TNRC18: variants seen among roughly 807,000 people sequenced by gnomAD.
The protein encoded by TNRC18 is trinucleotide repeat containing 18.
TNRC18 carries 69 observed loss-of-function variants against 226.7 expected under a neutral mutation model. The ratio of observed to expected loss-of-function variants is 0.30; its 90% CI spans 0.25 to 0.37. TNRC18 has a LOEUF of 0.37. Among genes scored for constraint, TNRC18 ranks in the 10% least tolerant of loss-of-function variants. The pLI, the probability that TNRC18 is intolerant of heterozygous loss-of-function variation, is 1.00. For synonymous variants in TNRC18, 2,449 were observed against 1,927.6 expected (o/e 1.27, Z -7.09); for missense variants, 4,754 against 4,256.6 (o/e 1.12, Z -3.25).
chr7:5,358,538 G>A (rs1583901040), intron 15 of TNRC18, among the ~76,000 whole-genome samples: 1 of 152,280 alleles, frequency 6.6e-6, no homozygotes, highest in African/African-American at 2.4e-5. Flanking sequence ...CCTCAGCTGG[G>A]TGCAGTGGCT....
At position 5,332,887 on chromosome 7, in the gene TNRC18, G is replaced by T; in HGVS notation, c.5882C>A (p.Ala1961Asp). 6.6e-7 allele frequency: 1 copy of T among 1,525,426 alleles called. No homozygotes were observed. The highest frequency in any genetic ancestry group is 2.5e-5 in the East Asian group (1 of 40,676). The allele number at this position is 1,525,426 out of a possible 1,614,324, so 94.5% of individuals were successfully genotyped here. ...RGPDPSSPDKAKLAVEKGRKA... is the reference protein window; with the variant it reads ...RGPDPSSPDKDKLAVEKGRKA... The stretch of plus-strand genomic sequence containing the variant: ...GCGCCCCTTCTCCACCGCCAGCTTG[G>T]CCTTGTCTGGGCTGCTGGGGTCGGG... Residue 1961 changes from alanine to aspartate, a missense_variant, in exon 19 of 30, where the codon GCC becomes GAC. Coordinates refer to ENST00000430969, the MANE Select transcript of TNRC18 (RefSeq NM_001080495.3).
chr7:5,419,383 C>G (rs982386871), intron 2 of TNRC18, among the ~76,000 whole-genome samples: 1 of 152,206 alleles, frequency 6.6e-6, no homozygotes, highest in Non-Finnish European at 1.5e-5. Flanking sequence ...CCAGAGAGAC[C>G]CGGGTACCGA....
Position 5,421,343 on chromosome 7 carries a change from G to A in TNRC18, c.-97C>T. 3 of 1,111,826 alleles carry A rather than the reference G, an allele frequency of 2.7e-6. No individual in the cohort carries two copies. The highest frequency in any genetic ancestry group is 3.4e-6 in the Non-Finnish European group (3 of 882,824). The allele number at this position is 1,111,826 out of a possible 1,614,324, so 68.9% of individuals were successfully genotyped here. A position where few individuals can be genotyped will look rare whatever the true frequency, so the allele number is the denominator to read the frequency against. On this transcript the variant is annotated 5_prime_UTR_variant, in exon 2 of 30. Coordinates refer to ENST00000430969, the MANE Select transcript of TNRC18 (RefSeq NM_001080495.3). ...GCCTCGGCGTAGTCCCAGAGTCCTCGGGCGGCGGGGGCTCCGCGGCGTGCA... is the reference window on the plus strand; with the variant it reads ...GCCTCGGCGTAGTCCCAGAGTCCTCAGGCGGCGGGGGCTCCGCGGCGTGCA...
chr7:5,397,832 C>A lies in TNRC18; in HGVS notation c.188-3237G>T, dbSNP rs556676908. 4.6e-5 allele frequency among the ~76,000 whole-genome samples: 7 copies of A among 152,260 alleles called. No homozygotes were observed. In the East Asian group the frequency reaches 1.3e-3, roughly 29 times the overall value. Reference sequence around the variant, plus strand: ...AACCCCTCGGAAACAGATCTGCCAGCCTCCTTGTGGATTTCATGCCTCTGT... The same window carrying A: ...AACCCCTCGGAAACAGATCTGCCAGACTCCTTGTGGATTTCATGCCTCTGT... On this transcript the variant is annotated intron_variant, in intron 2 of 29. Coordinates refer to ENST00000430969, the MANE Select transcript of TNRC18 (RefSeq NM_001080495.3).
rs571594298 is a variant in TNRC18, at chr7:5,313,303, C to T, written c.7588G>A (p.Gly2530Arg). 2.1e-5 allele frequency: 33 copies of T among 1,548,730 alleles called. No individual in the cohort carries two copies. The East Asian group carries it at 3.4e-4, about 16-fold the overall frequency. The change falls in exon 27 of 30, where the codon GGG becomes AGG. Residue 2530 changes from glycine (G) to arginine (R), a missense_variant. Gly to Arg is a moderately radical substitution (Grantham distance 125, BLOSUM62 -2). Transcript: ENST00000430969. Reference protein sequence around the residue: ...ATDGDLAQEPGPGLTFEDSGN... With the variant: ...ATDGDLAQEPRPGLTFEDSGN... ...GAGTCCTCGAACGTGAGCCCCGGCC[C>T]GGGCTCCTGGGCGAGGTCCCCGTCG... is the stretch of plus-strand genomic sequence containing the variant.
At chr7:5,315,434 T>A (rs867733194) in intron 25 of TNRC18, among the ~76,000 whole-genome samples, 57 of 151,894 alleles carry the variant, frequency 3.8e-4, no homozygotes, top group Admixed American at 6.6e-4. Context: ...TTTTTTTTTT[T>A]TTTTTTTTAA....
At position 5,315,057 on chromosome 7, in the gene TNRC18, G is replaced by A. The variant is rs745502421; in HGVS notation, c.6954C>T (p.Gly2318=). The A allele has an allele frequency of 6.2e-7, 1 of 1,611,246 alleles. No homozygotes were observed. Among genetic ancestry groups the A allele is most frequent in the South Asian group, 1.1e-5 (1 of 90,312 alleles). ...SKDTGEGKDG[G]TAGSEEPGAK... is the part of the protein sequence containing the mutation. The stretch of plus-strand genomic sequence containing the variant: ...CTCCTGGCTCCTCCGACCCAGCCGT[G>A]CCACCATCTTTGCCCTCCCCAGTGT... Residue 2318 remains glycine, a synonymous_variant, in exon 26 of 30, where the codon GGC becomes GGT. Coordinates refer to ENST00000430969, the MANE Select transcript of TNRC18 (RefSeq NM_001080495.3).
intron 5 of TNRC18, among the ~76,000 whole-genome samples, chr7:5,383,292 A>T (rs1779526389): frequency 6.6e-6 from 1 of 152,172 alleles, no homozygotes; most frequent in African/African-American, 2.4e-5. Flanking sequence ...TCCTTCATCC[A>T]TCTCAAGGTC....
chr7:5,358,589 A>C (rs1375736207), intron 15 of TNRC18, among the ~76,000 whole-genome samples: 1 of 152,144 alleles, frequency 6.6e-6, no homozygotes, highest in Non-Finnish European at 1.5e-5. Flanking sequence ...TGAGGTAGGC[A>C]GATCACCTGA....
In TNRC18 at chr7:5,394,584, A is replaced by G; in HGVS notation, c.199T>C (p.Leu67=). The change falls in exon 3 of 30, where the codon TTG becomes CTG. Residue 67 remains leucine (L), a synonymous_variant. Coordinates refer to ENST00000430969, the MANE Select transcript of TNRC18 (RefSeq NM_001080495.3). This position sits in a 1 kb window ranked among gnomAD's most constrained non-coding sequence, Gnocchi z 4.5. ...NLHPHPGEAF[L]GSFVASGMGP... ...ATCCCGCTGGCCACAAAGCTGCCCAAGAAGGCCTCGCCTGCAGAGAGAAGT... is the reference window on the plus strand; with the variant it reads ...ATCCCGCTGGCCACAAAGCTGCCCAGGAAGGCCTCGCCTGCAGAGAGAAGT... 1 of 1,546,986 alleles carries G rather than the reference A, an allele frequency of 6.5e-7. No individual in the cohort carries two copies.
At chr7:5,348,157 C>T (rs754972701) in intron 17 of TNRC18, among the ~76,000 whole-genome samples, 23 of 152,102 alleles carry the variant, frequency 1.5e-4, no homozygotes, top group Non-Finnish European at 2.4e-4. Context: ...AACCCCCCAC[C>T]AAAAAGAGAG....
At chr7:5,353,960 T>C (rs1177618667) in intron 16 of TNRC18, among the ~76,000 whole-genome samples, 2 of 152,020 alleles carry the variant, frequency 1.3e-5, no homozygotes, top group Non-Finnish European at 2.9e-5. Context: ...CCCAGCACTT[T>C]GGGAGGCCGA....
intron 16 of TNRC18, among the ~76,000 whole-genome samples, chr7:5,352,331 C>T (rs1056872068): frequency 2.0e-5 from 3 of 152,160 alleles, no homozygotes; most frequent in African/African-American, 4.8e-5. Context: ...GAGTGCTGGA[C>T]CCAGGCCCTT....
intron 18 of TNRC18, among the ~76,000 whole-genome samples, chr7:5,337,961 C>G (rs1242286558): frequency 6.6e-6 from 1 of 151,652 alleles, no homozygotes; most frequent in South Asian, 2.1e-4. Flanking sequence ...CCAGCCTGGG[C>G]GACAGAGTGA....
chr7:5,320,074 T>A (rs1439133087), intron 24 of TNRC18: 2 of 476,376 alleles, frequency 4.2e-6, no homozygotes, highest in South Asian at 2.5e-5. Context: ...AAATACAATC[T>A]CCAAGGAGCT....
chr7:5,321,052 C>T (rs1179564071), intron 22 of TNRC18, 21 bp downstream of exon 22: 72 of 1,512,446 alleles, frequency 4.8e-5, no homozygotes, highest in Non-Finnish European at 5.8e-5. Flanking sequence ...GGCTCTGTGC[C>T]GGACCTCCCA....
Position 5,377,916 on chromosome 7 carries a change from C to A in TNRC18, c.2255+6G>T. 1.2e-6 allele frequency: 2 copies of A among 1,613,508 alleles called. No individual in the cohort carries two copies. Among genetic ancestry groups the A allele is most frequent in the Non-Finnish European group, 8.5e-7 (1 of 1,179,652 alleles). On this transcript the variant is annotated splice_donor_region_variant and intron_variant, in intron 6 of 29. Coordinates refer to ENST00000430969, the MANE Select transcript of TNRC18 (RefSeq NM_001080495.3). This position sits in a 1 kb window ranked among gnomAD's most constrained non-coding sequence, Gnocchi z 5.8. ...CTAGACCCTCAGGATCCCCCGACAC[C>A]CTCACCTGAGCAGCTTCTCCTGATC...
At chr7:5,411,634 T>C (rs1470747728) in intron 2 of TNRC18, among the ~76,000 whole-genome samples, 3 of 151,550 alleles carry the variant, frequency 2.0e-5, no homozygotes, top group African/African-American at 7.3e-5. Flanking sequence ...GTTGCCTTCC[T>C]CTCACCCTTT....
rs1788695717 is a variant in TNRC18 at position 5,324,472 on chromosome 7, T to G, written c.6301-117A>C. 1 of 1,389,422 alleles carries G rather than the reference T, an allele frequency of 7.2e-7. No homozygotes were observed. Among genetic ancestry groups the G allele is most frequent in the Non-Finnish European group, 9.8e-7 (1 of 1,021,458 alleles). 86.1% of individuals were successfully genotyped at this position (1,389,422 alleles called of 1,614,324 possible). ...CAGGCCGCAGGGGGAATCTGTCATG[T>G]GCATGGCAGGGATCCCAGTTAGGGG... On this transcript the variant is annotated intron_variant, in intron 20 of 29. Transcript: ENST00000430969. The surrounding 1 kb of genome is among the most constrained non-coding windows in gnomAD (Gnocchi z 4.8).
Sources: gnomAD v4.1 joint callset for allele counts (sites outside exome capture counted in the v4.1 genomes callset) on GRCh38, gnomAD v4.1.1 for gene constraint, Gnocchi (gnomAD v3.1) non-coding constraint, MANE v1.5 for transcripts, NCBI Gene and HGNC (gene_info 2026-07-23, HGNC 2026-07-21) for gene names.